The following PLEKHA2 variants were observed in gnomAD, a reference collection of about 807,000 sequenced individuals.
PLEKHA2 encodes pleckstrin homology domain containing A2, also known as pleckstrin homology domain-containing family A member 2.
A neutral mutation model predicts 53.2 loss-of-function variants in PLEKHA2; 28 were observed. The ratio of observed to expected loss-of-function variants is 0.53; its 90% confidence interval spans 0.39 to 0.72. PLEKHA2 has a LOEUF of 0.72. PLEKHA2 is among the 30% of genes least tolerant of loss of function. The pLI is 0.00. For synonymous variants in PLEKHA2, 193 were observed against 196.4 expected (o/e 0.98, Z 0.14); for missense variants, 426 against 537.9 (o/e 0.79, Z 2.06).
At chr8:38,906,581 G>A (rs1484234649) in intron 1 of PLEKHA2, among the ~76,000 whole-genome samples, 1 of 152,108 alleles carries the variant, frequency 6.6e-6, no homozygotes, top group Non-Finnish European at 1.5e-5. Flanking sequence ...CTTCCTCTGG[G>A]AACTTGTTCT....
chr8:38,958,751 C>G (rs1834987547), intron 10 of PLEKHA2, among the ~76,000 whole-genome samples: 1 of 152,172 alleles, frequency 6.6e-6, no homozygotes, highest in Admixed American at 6.5e-5. Context: ...GTTTGTAGTT[C>G]TTGCATTCAA....
chr8:38,951,012 G>A, intron 6 of PLEKHA2, 22 bp downstream of exon 6: 1 of 1,610,190 alleles, frequency 6.2e-7, no homozygotes, highest in Non-Finnish European at 8.5e-7. Context: ...GACTGGGGCT[G>A]CGGGGGGAGT....
chr8:38,914,626 C>CT lies in PLEKHA2; in HGVS notation c.-23-3280dup, dbSNP rs1834003963. On this transcript the variant is annotated intron_variant, in intron 1 of 11. Coordinates refer to ENST00000617275, the MANE Select transcript of PLEKHA2 (RefSeq NM_021623.2). ...GTCAGGGCTCAGCAGTGGGTGGGGT[C>CT]TGACCTTGAAAGTCTGAATGTCACG... Among the ~76,000 whole-genome samples, 2 of 152,270 alleles carry CT rather than the reference C, an allele frequency of 1.3e-5. 1 individual carries two copies. The highest frequency in any genetic ancestry group is 4.1e-4 in the South Asian group (2 of 4,836).
At chr8:38,937,481 G>A (rs116390960) in intron 3 of PLEKHA2, among the ~76,000 whole-genome samples, 1,556 of 152,246 alleles carry the variant, frequency 0.01, 27 homozygotes, top group African/African-American at 0.036. Context: ...TCTCCTGTGT[G>A]AGAGGGTTTG....
rs1287992915 is a variant in PLEKHA2, at chr8:38,917,983, G to A, written c.54G>A (p.Glu18=). ...NRICGFLDIE[E]HENSGKFLRR... is the part of the protein sequence containing the mutation. ...TCTGTGGGTTTCTGGACATCGAGGAGCATGAGAACAGCGGCAAGTTTCTGC... is the reference window on the plus strand; with the variant it reads ...TCTGTGGGTTTCTGGACATCGAGGAACATGAGAACAGCGGCAAGTTTCTGC... Residue 18 remains glutamate, a synonymous_variant, in exon 2 of 12, where the codon GAG becomes GAA. Transcript: ENST00000617275. 2 of 1,613,636 alleles carry A rather than the reference G, an allele frequency of 1.2e-6. No homozygotes were observed. Among genetic ancestry groups the A allele is most frequent in the African/African-American group, 1.3e-5 (1 of 74,988 alleles).
At chr8:38,908,306 G>T (rs1250250699) in intron 1 of PLEKHA2, among the ~76,000 whole-genome samples, 1 of 152,228 alleles carries the variant, frequency 6.6e-6, no homozygotes, top group Non-Finnish European at 1.5e-5. Context: ...AAACAGCTTG[G>T]AGGGTGCTAA....
chr8:38,951,052 A>G, intron 6 of PLEKHA2, 62 bp downstream of exon 6: 2 of 991,914 alleles, frequency 2.0e-6, no homozygotes, highest in African/African-American at 1.8e-5. Context: ...TGGTGTGCCC[A>G]TGATGTGCTC....
At chr8:38,945,358 A>G (rs573140546) in intron 4 of PLEKHA2, among the ~76,000 whole-genome samples, 1 of 152,290 alleles carries the variant, frequency 6.6e-6, no homozygotes, top group Admixed American at 6.5e-5. Context: ...GAATGAACGG[A>G]TGAATTCTGC....
intron 2 of PLEKHA2, among the ~76,000 whole-genome samples, chr8:38,924,494 A>T (rs1317635537): frequency 6.6e-6 from 1 of 152,186 alleles, no homozygotes; most frequent in Non-Finnish European, 1.5e-5. Flanking sequence ...AGGTCTGAGC[A>T]AGGGATGGTT....
chr8:38,925,761 G>A (rs542079526), intron 2 of PLEKHA2, among the ~76,000 whole-genome samples: 1 of 152,288 alleles, frequency 6.6e-6, no homozygotes, highest in East Asian at 1.9e-4. Context: ...TATGGGAGGA[G>A]GTTATAATAA....
chr8:38,952,514 C>A, intron 7 of PLEKHA2, 122 bp from the exon 8 acceptor site: 1 of 1,326,284 alleles, frequency 7.5e-7, no homozygotes, highest in Non-Finnish European at 1.0e-6. Flanking sequence ...AAGCCCTTGC[C>A]CCTGCTGAAT....
chr8:38,935,080 C>G (rs1206106835), intron 2 of PLEKHA2, among the ~76,000 whole-genome samples: 2 of 152,114 alleles, frequency 1.3e-5, no homozygotes, highest in African/African-American at 4.8e-5. Context: ...GTGGTGAGAT[C>G]TTGGCTTACT....
intron 10 of PLEKHA2, among the ~76,000 whole-genome samples, chr8:38,966,616 G>A (rs1476418732): frequency 1.3e-5 from 2 of 152,300 alleles, no homozygotes; most frequent in Admixed American, 1.3e-4. Flanking sequence ...GAGGCCGCTG[G>A]AGTTTCCTCC....
chr8:38,969,643 A>G lies in PLEKHA2; in HGVS notation c.1138A>G (p.Thr380Ala). Reference sequence around the variant, plus strand: ...AGACACTTCAGAGGACTCCTTGTTCACGCCTCGTCCTGGGGAGGGCAGCGC... The same window carrying G: ...AGACACTTCAGAGGACTCCTTGTTCGCGCCTCGTCCTGGGGAGGGCAGCGC... ...PGDTSEDSLF[T>A]PRPGEGSAPG... The change falls in exon 12 of 12, where the codon ACG (threonine) becomes GCG (alanine). Residue 380 changes from threonine to alanine, a missense_variant. Physicochemically the swap from Thr to Ala is moderately conservative, Grantham distance 58 (BLOSUM62 0). Coordinates refer to ENST00000617275, the MANE Select transcript of PLEKHA2 (RefSeq NM_021623.2). 6.3e-7 allele frequency: 1 copy of G among 1,599,972 alleles called. No individual in the cohort carries two copies.
chr8:38,951,469 G>GTTTTTTTTTTT (rs144541661), intron 6 of PLEKHA2, among the ~76,000 whole-genome samples: 1 of 91,822 alleles, frequency 1.1e-5, no homozygotes, highest in Non-Finnish European at 2.0e-5. Context: ...ATTTATTTAA[G>GTTTTTTTTTTT]TTTTTTTTTT....
At chr8:38,961,093 C>T (rs1835032355) in intron 10 of PLEKHA2, among the ~76,000 whole-genome samples, 1 of 152,138 alleles carries the variant, frequency 6.6e-6, no homozygotes, top group Admixed American at 6.5e-5. Flanking sequence ...AACTATTAAG[C>T]TCATGGAGGT....
intron 7 of PLEKHA2, 30 bp downstream of exon 7, chr8:38,952,342 G>A (rs111655245): frequency 1.9e-6 from 3 of 1,606,268 alleles, no homozygotes; most frequent in Admixed American, 1.7e-5. Flanking sequence ...CTGAATTGGG[G>A]TTCTGGTGAC....
chr8:38,904,610 C>T (rs1233722974), intron 1 of PLEKHA2, among the ~76,000 whole-genome samples: 1 of 152,214 alleles, frequency 6.6e-6, no homozygotes, highest in Admixed American at 6.5e-5. Context: ...AAGAAGGAGT[C>T]AGCACATTGC....
At chr8:38,941,876 T>G (rs554371724) in intron 3 of PLEKHA2, among the ~76,000 whole-genome samples, 1 of 152,346 alleles carries the variant, frequency 6.6e-6, no homozygotes, top group Admixed American at 6.5e-5. Context: ...TGCCTGACCT[T>G]CTTTTGATCT....
Sources: gnomAD v4.1 joint callset for allele counts (sites outside exome capture counted in the v4.1 genomes callset) on GRCh38, gnomAD v4.1.1 for gene constraint, MANE v1.5 for transcripts, NCBI Gene and HGNC (gene_info 2026-07-23, HGNC 2026-07-21) for gene names.